Variants in MEGF11 observed in about 807,000 individuals in gnomAD.
MEGF11 encodes the protein multiple epidermal growth factor-like domains protein 11.
A neutral mutation model predicts 146.6 loss-of-function variants in MEGF11; 126 were observed. That is an observed-to-expected ratio of 0.86 (90% confidence interval 0.74 to 1.00). The LOEUF is 1.00. Ranked by LOEUF, MEGF11 falls within the 50% of genes least tolerant of loss-of-function variation. MEGF11 has a pLI of 0.00. For synonymous variants in MEGF11, 532 were observed against 583.4 expected (o/e 0.91, Z 1.27); for missense variants, 1,509 against 1,521.2 (o/e 0.99, Z 0.13).
intron 6 of MEGF11, among the ~76,000 whole-genome samples, chr15:65,981,257 A>G (rs970186721): frequency 1.3e-5 from 2 of 152,182 alleles, no homozygotes; most frequent in Non-Finnish European, 1.5e-5. Context: ...TGCCAGGCCA[A>G]AGTCATTGCA....
intron 16 of MEGF11, among the ~76,000 whole-genome samples, 180 bp downstream of exon 16, chr15:65,917,786 A>G (rs1258750277): frequency 1.3e-5 from 2 of 152,032 alleles, no homozygotes; most frequent in African/African-American, 2.4e-5. Context: ...GTTAATACCA[A>G]TGATCAATCC....
At chr15:66,052,531 G>A (rs369839576) in intron 5 of MEGF11, among the ~76,000 whole-genome samples, 2 of 152,290 alleles carry the variant, frequency 1.3e-5, no homozygotes, top group South Asian at 2.1e-4. Context: ...AACTTGAAAC[G>A]ACTTTTCCCC....
At chr15:66,032,036 G>A (rs546157128) in intron 5 of MEGF11, among the ~76,000 whole-genome samples, 1 of 152,308 alleles carries the variant, frequency 6.6e-6, no homozygotes, top group South Asian at 2.1e-4. Context: ...CTGTGCCTGC[G>A]AGGGATCTAG....
At chr15:66,246,393 A>C (rs55679719) in intron 1 of MEGF11, among the ~76,000 whole-genome samples, 3,391 of 152,320 alleles carry the variant, frequency 0.022, 46 homozygotes, top group South Asian at 0.056. Flanking sequence ...TTTCGCCAGC[A>C]ACAAAAGTGA....
chr15:66,118,179 G>C (rs956840675), intron 4 of MEGF11, among the ~76,000 whole-genome samples: 1 of 151,970 alleles, frequency 6.6e-6, no homozygotes, highest in Admixed American at 6.5e-5. Context: ...TCCTACAGTA[G>C]AGGGAACCTT....
At chr15:65,905,974 G>C (rs538169597) in intron 24 of MEGF11, 111 bp downstream of exon 24, 3 of 840,268 alleles carry the variant, frequency 3.6e-6, no homozygotes, top group South Asian at 1.8e-5. Context: ...AACCTTCTGT[G>C]GGGGGCAGGC....
At chr15:66,105,809 G>T (rs1055703145) in intron 4 of MEGF11, among the ~76,000 whole-genome samples, 1 of 152,184 alleles carries the variant, frequency 6.6e-6, no homozygotes, top group Non-Finnish European at 1.5e-5. Context: ...TCAGGCCTCC[G>T]CAGTTTGTTT....
At chr15:65,990,730 AGAAAG>A (rs1022196258) in intron 5 of MEGF11, among the ~76,000 whole-genome samples, 2 of 151,930 alleles carry the variant, frequency 1.3e-5, no homozygotes, top group Non-Finnish European at 2.9e-5. Flanking sequence ...AAAGAAAGAA[AGAAAG>A]AAAAAGAAAG....
chr15:66,191,616 G>A (rs1313960521), intron 1 of MEGF11, among the ~76,000 whole-genome samples: 1 of 152,184 alleles, frequency 6.6e-6, no homozygotes, highest in Non-Finnish European at 1.5e-5. Context: ...GCACAGGAGC[G>A]ATGAGGGGTG....
In MEGF11 at chr15:66,119,674, C is replaced by G. The variant is rs74021623; in HGVS notation, c.201-488G>C. 3.8e-3 allele frequency among the ~76,000 whole-genome samples: 582 copies of G among 152,036 alleles called. 5 individuals carry two copies. The highest frequency in any genetic ancestry group is 0.013 in the African/African-American group (550 of 41,446). ...ACTGAGGCAGAGTCAGCAAAAGGACCCTTTGAGTCCAACTCAGTCCCGGAG... is the reference window on the plus strand; with the variant it reads ...ACTGAGGCAGAGTCAGCAAAAGGACGCTTTGAGTCCAACTCAGTCCCGGAG... On this transcript the variant is annotated intron_variant, in intron 3 of 25. Transcript: ENST00000395614.
chr15:65,998,646 G>A (rs1163349184), intron 5 of MEGF11, among the ~76,000 whole-genome samples: 1 of 152,164 alleles, frequency 6.6e-6, no homozygotes, highest in Non-Finnish European at 1.5e-5. Context: ...ACGTAAGAGG[G>A]CAGGTCACGG....
At chr15:65,915,376 G>A (rs954990249) in intron 19 of MEGF11, 94 bp downstream of exon 19, 68 of 1,471,368 alleles carry the variant, frequency 4.6e-5, no homozygotes, top group Non-Finnish European at 6.2e-5. Flanking sequence ...ATAAAGGGAA[G>A]TATCATCAAA....
In MEGF11 at chr15:65,984,463, T is replaced by A. The variant is rs139431767; in HGVS notation, c.395-1975A>T. Among the ~76,000 whole-genome samples, 353 of 134,624 alleles carry A rather than the reference T, an allele frequency of 2.6e-3. 5 individuals carry two copies. The highest frequency in any genetic ancestry group is 0.017 in the East Asian group (79 of 4,664). The allele number at this position is 134,624 out of a possible 152,430, so 88.3% of individuals were successfully genotyped here. A position where few individuals can be genotyped will look rare whatever the true frequency, so the allele number is the denominator to read the frequency against. On this transcript the variant is annotated intron_variant, in intron 5 of 25. Transcript: ENST00000395614. Reference sequence around the variant, plus strand: ...ATTGCTTGAACCCGGGAGGCAGAGGTTGCAGTGAGCTGAGATTGCACCACT... The same window carrying A: ...ATTGCTTGAACCCGGGAGGCAGAGGATGCAGTGAGCTGAGATTGCACCACT...
At chr15:66,074,718 T>A (rs2085505362) in intron 5 of MEGF11, among the ~76,000 whole-genome samples, 1 of 152,256 alleles carries the variant, frequency 6.6e-6, no homozygotes, top group Non-Finnish European at 1.5e-5. Context: ...TCCAGCTTTA[T>A]TTAAAGTTAC....
At chr15:66,146,027 A>T (rs1354623959) in intron 1 of MEGF11, among the ~76,000 whole-genome samples, 1 of 152,022 alleles carries the variant, frequency 6.6e-6, no homozygotes, top group Non-Finnish European at 1.5e-5. Context: ...ACCTCTCTTC[A>T]CAGCCACCCA....
intron 1 of MEGF11, among the ~76,000 whole-genome samples, chr15:66,236,035 C>G (rs978602986): frequency 1.3e-5 from 2 of 152,124 alleles, no homozygotes; most frequent in Non-Finnish European, 2.9e-5. Context: ...GTCACTCAGC[C>G]CACCAGAGGG....
chr15:66,097,234 G>A (rs1402255308), intron 4 of MEGF11, among the ~76,000 whole-genome samples: 4 of 152,188 alleles, frequency 2.6e-5, no homozygotes, highest in Non-Finnish European at 5.9e-5. Flanking sequence ...TTTGGCAATT[G>A]GGCCACCGCG....
At chr15:66,221,141 A>T (rs570264054) in intron 1 of MEGF11, among the ~76,000 whole-genome samples, 4 of 152,110 alleles carry the variant, frequency 2.6e-5, no homozygotes, top group Non-Finnish European at 5.9e-5. Context: ...TTTAATCCAC[A>T]GGGATGGTGC....
chr15:66,195,089 T>C (rs34641874), intron 1 of MEGF11, among the ~76,000 whole-genome samples: 19,635 of 152,136 alleles, frequency 0.13, 1,615 homozygotes, highest in Non-Finnish European at 0.19. Flanking sequence ...AGGGTGCCTA[T>C]GGGACTGGTT....
Sources: gnomAD v4.1 joint callset for allele counts (sites outside exome capture counted in the v4.1 genomes callset) on GRCh38, gnomAD v4.1.1 for gene constraint, MANE v1.5 for transcripts, NCBI Gene and HGNC (gene_info 2026-07-23, HGNC 2026-07-21) for gene names.